CAPZA1: variants seen among roughly 807,000 people sequenced by gnomAD.
CAPZA1 encodes the protein F-actin-capping protein subunit alpha-1.
CAPZA1 carries 10 observed loss-of-function variants against 40.8 expected under a neutral mutation model. That is an observed-to-expected ratio of 0.25 (90% confidence interval 0.15 to 0.42). The LOEUF (loss-of-function observed/expected upper bound fraction) is 0.42, where lower values mean the gene tolerates loss of function less well. CAPZA1 is among the 10% of genes least tolerant of loss of function. The pLI, the probability that CAPZA1 is intolerant of heterozygous loss-of-function variation, is 1.00. For missense variants in CAPZA1, 277 were observed against 353.8 expected (o/e 0.78, Z 1.74); for synonymous variants, 98 against 115.0 (o/e 0.85, Z 0.95).
At chr1:112,634,625 G>A (rs1030886911) in intron 1 of CAPZA1, 1 of 152,130 alleles carries the variant, frequency 6.6e-6, no homozygotes, top group African/African-American at 2.4e-5. Flanking sequence ...CATTTATTGA[G>A]CCTCTCCTGT....
chr1:112,625,934 T>A (rs2101136863), intron 1 of CAPZA1: 1 of 152,686 alleles, frequency 6.5e-6, no homozygotes, highest in South Asian at 2.1e-4. Flanking sequence ...GGCCTCAATG[T>A]GGGAGGCAAA....
chr1:112,646,785 C>T (rs1671288995), intron 1 of CAPZA1: 4 of 137,410 alleles, frequency 2.9e-5, no homozygotes, highest in Middle Eastern at 3.4e-3. Flanking sequence ...TGGTTTTGGT[C>T]TTTTAATTTG....
chr1:112,656,104 C>T (rs1221367000), intron 5 of CAPZA1, among the ~76,000 whole-genome samples: 5 of 152,028 alleles, frequency 3.3e-5, no homozygotes, highest in Admixed American at 6.6e-5. Flanking sequence ...GTGGGAAAAT[C>T]AGCAATTTTC....
intron 5 of CAPZA1, among the ~76,000 whole-genome samples, chr1:112,656,466 T>TTTTTTAAAATAGAAA (rs1553180448): frequency 1.1e-5 from 1 of 94,336 alleles, no homozygotes; most frequent in Non-Finnish European, 2.2e-5. Context: ...TTTTTTTTTT[T>TTTTTTAAAATAGAAA]AATGAGAATA....
At chr1:112,625,649 C>T (rs770906677) in intron 1 of CAPZA1, among the ~76,000 whole-genome samples, 15 of 152,140 alleles carry the variant, frequency 9.9e-5, no homozygotes, top group Non-Finnish European at 2.1e-4. Context: ...TCAGGTTCAT[C>T]CAGACACCCC....
At chr1:112,635,492 A>T (rs1670996054) in intron 1 of CAPZA1, among the ~76,000 whole-genome samples, 1 of 152,026 alleles carries the variant, frequency 6.6e-6, no homozygotes, top group Non-Finnish European at 1.5e-5. Context: ...ACCAGTGCCC[A>T]CAAAGAGTTG....
chr1:112,670,362 C>CTTTTAAATTTTTTTTTTT lies in CAPZA1; in HGVS notation c.*234_*235insAAATTTTTTTTTTTTTTT. 6.9e-6 allele frequency: 1 copy of CTTTTAAATTTTTTTTTTT among 145,650 alleles called. No individual in the cohort carries two copies. Among genetic ancestry groups the CTTTTAAATTTTTTTTTTT allele is most frequent in the Non-Finnish European group, 1.2e-5 (1 of 80,652 alleles). 9.0% of individuals were successfully genotyped at this position (145,650 alleles called of 1,614,324 possible). ...TATATCTACGTGTAAATCTTTTTTTCTTTTTTTTTTTTTTTTTTTGGTTAA... is the reference window on the plus strand; with the variant it reads ...TATATCTACGTGTAAATCTTTTTTTCTTTTAAATTTTTTTTTTTTTTTTTTTTTTTTTTTTTTGGTTAA... On this transcript the variant is annotated 3_prime_UTR_variant, in exon 10 of 10. Coordinates refer to ENST00000263168, the MANE Select transcript of CAPZA1 (RefSeq NM_006135.3).
At chr1:112,649,747 AGTT>A in intron 3 of CAPZA1, 1 of 434,462 alleles carries the variant, frequency 2.3e-6, no homozygotes. Flanking sequence ...TTTCCTTTAT[AGTT>A]GTTCTAGTTC....
chr1:112,623,293 TC>T (rs1462911022), intron 1 of CAPZA1, among the ~76,000 whole-genome samples: 1 of 152,254 alleles, frequency 6.6e-6, no homozygotes, highest in Non-Finnish European at 1.5e-5. Flanking sequence ...GTGGCTGTTT[TC>T]TAACAAGTCA....
chr1:112,646,148 G>A (rs542667847), intron 1 of CAPZA1, among the ~76,000 whole-genome samples: 2 of 152,270 alleles, frequency 1.3e-5, no homozygotes, highest in South Asian at 4.1e-4. Context: ...TATCCAGAAA[G>A]GGAGAATGGC....
chr1:112,665,013 TAA>T (rs537929643), intron 7 of CAPZA1, among the ~76,000 whole-genome samples: 33 of 152,182 alleles, frequency 2.2e-4, no homozygotes, highest in Non-Finnish European at 3.8e-4. Flanking sequence ...AAAGGCTTAA[TAA>T]ATAATAGCTC....
intron 3 of CAPZA1, 46 bp downstream of exon 3, chr1:112,649,515 A>C: frequency 1.4e-6 from 2 of 1,427,650 alleles, no homozygotes; most frequent in Non-Finnish European, 2.0e-6. Context: ...CTAACATTGG[A>C]TAAACTATGT....
chr1:112,621,670 A>G (rs1197859217), intron 1 of CAPZA1, among the ~76,000 whole-genome samples: 1 of 151,868 alleles, frequency 6.6e-6, no homozygotes. Context: ...CTTTAATTAA[A>G]CTTGGGAAAA....
In CAPZA1 at chr1:112,657,041, A is replaced by G. The variant is rs561311349; in HGVS notation, c.427-1981A>G. ...CTCAGCCTCCTGAGTAGCTGGAATT[A>G]CAGGCGCCTGCCACCACACCTGGCT... On this transcript the variant is annotated intron_variant, in intron 5 of 9. Coordinates refer to ENST00000263168, the MANE Select transcript of CAPZA1 (RefSeq NM_006135.3). Among the ~76,000 whole-genome samples the G allele has an allele frequency of 1.8e-3, 274 of 151,758 alleles. 2 individuals carry two copies. The highest frequency in any genetic ancestry group is 3.4e-3 in the Middle Eastern group (1 of 294).
At chr1:112,666,633 G>T (rs898783187) in intron 7 of CAPZA1, among the ~76,000 whole-genome samples, 6 of 152,102 alleles carry the variant, frequency 3.9e-5, no homozygotes, top group Non-Finnish European at 8.8e-5. Context: ...GGTCAGTTCT[G>T]CTTACCAACA....
chr1:112,662,961 CTTTTTG>C (rs1671650663), intron 7 of CAPZA1, among the ~76,000 whole-genome samples: 2 of 151,870 alleles, frequency 1.3e-5, no homozygotes, highest in Admixed American at 6.6e-5. Flanking sequence ...CCCCTGCCCC[CTTTTTG>C]TTTTGTTTTG....
In CAPZA1 at chr1:112,654,494, T is replaced by C; in HGVS notation, c.249T>C (p.Gly83=). The C allele has an allele frequency of 6.2e-7, 1 of 1,613,834 alleles. No individual in the cohort carries two copies. The highest frequency in any genetic ancestry group is 2.2e-5 in the East Asian group (1 of 44,856). Residue 83 remains glycine, a synonymous_variant, in exon 5 of 10, where the codon GGT becomes GGC. Transcript: ENST00000263168. Reference sequence around the variant, plus strand: ...TAATTACAGAGCACGGTGACCTGGGTAATAGCAGATTTTTAGATCCAAGAA... The same window carrying C: ...TAATTACAGAGCACGGTGACCTGGGCAATAGCAGATTTTTAGATCCAAGAA... ...QVLITEHGDL[G]NSRFLDPRNK...
chr1:112,646,872 A>G (rs1671290497), intron 1 of CAPZA1: 1 of 164,996 alleles, frequency 6.1e-6, no homozygotes, highest in African/African-American at 2.4e-5. Flanking sequence ...TAATTTGCTA[A>G]TATTTTATTT....
intron 5 of CAPZA1, among the ~76,000 whole-genome samples, chr1:112,658,540 G>A (rs1671541112): frequency 6.6e-6 from 1 of 152,042 alleles, no homozygotes; most frequent in Admixed American, 6.5e-5. Context: ...ATTAGTTCTA[G>A]TCATGTTTTG....
Sources: gnomAD v4.1 joint callset for allele counts (sites outside exome capture counted in the v4.1 genomes callset) on GRCh38, gnomAD v4.1.1 for gene constraint, MANE v1.5 for transcripts, NCBI Gene and HGNC (gene_info 2026-07-23, HGNC 2026-07-21) for gene names.